GPC5: variants seen among roughly 807,000 people sequenced by gnomAD.
GPC5 encodes the protein glypican 5, also known as glypican-5.
GPC5 carries 47 observed loss-of-function variants against 53.9 expected under a neutral mutation model. The ratio of observed to expected loss-of-function variants is 0.87; its 90% confidence interval spans 0.69 to 1.11. The LOEUF (loss-of-function observed/expected upper bound fraction) is 1.11, where lower values mean the gene tolerates loss of function less well. Among genes scored for constraint, GPC5 ranks in the 50% most tolerant of loss-of-function variants. The probability of loss-of-function intolerance (pLI) is 0.00; values close to 1 mark genes in which losing one functional copy is unlikely to be tolerated. For synonymous variants in GPC5, 286 were observed against 263.3 expected (o/e 1.09, Z -0.84); for missense variants, 748 against 713.1 (o/e 1.05, Z -0.56).
intron 5 of GPC5, among the ~76,000 whole-genome samples, chr13:91,819,362 T>A (rs554425734): frequency 4.5e-4 from 69 of 152,040 alleles, no homozygotes; most frequent in African/African-American, 1.6e-3. Flanking sequence ...GGTTTCACCA[T>A]GTTGACCAGG....
At chr13:92,217,439 C>T (rs1231896662) in intron 7 of GPC5, among the ~76,000 whole-genome samples, 5 of 152,184 alleles carry the variant, frequency 3.3e-5, no homozygotes, top group Non-Finnish European at 7.4e-5. Flanking sequence ...GACAGCTGAT[C>T]ACCCTGGCCT....
chr13:91,481,687 C>G (rs9560814), intron 2 of GPC5, among the ~76,000 whole-genome samples: 47,011 of 152,052 alleles, frequency 0.31, 7,723 homozygotes, highest in East Asian at 0.59. Flanking sequence ...GCTGGGTAAC[C>G]TGGGCTCTAC....
chr13:92,403,198 A>G (rs775957560), intron 7 of GPC5, among the ~76,000 whole-genome samples: 2 of 152,214 alleles, frequency 1.3e-5, no homozygotes, highest in African/African-American at 2.4e-5. Context: ...CCACTGAAAT[A>G]TTAATGGTGG....
At chr13:91,415,303 C>G (rs1387045052) in intron 1 of GPC5, among the ~76,000 whole-genome samples, 1 of 152,138 alleles carries the variant, frequency 6.6e-6, no homozygotes, top group Non-Finnish European at 1.5e-5. Context: ...TAACACAATC[C>G]CCTACATGTG....
intron 6 of GPC5, among the ~76,000 whole-genome samples, chr13:91,911,218 T>G (rs2139002498): frequency 6.6e-6 from 1 of 152,230 alleles, no homozygotes; most frequent in East Asian, 1.9e-4. Flanking sequence ...TTATATTTTC[T>G]CCTAAGTGGC....
chr13:92,372,376 A>G (rs1376575935), intron 7 of GPC5, among the ~76,000 whole-genome samples: 2 of 152,224 alleles, frequency 1.3e-5, no homozygotes, highest in African/African-American at 2.4e-5. Context: ...AAATCGATAG[A>G]TTGTTTCAGG....
At chr13:92,533,080 A>C (rs991537683) in intron 7 of GPC5, among the ~76,000 whole-genome samples, 1 of 152,178 alleles carries the variant, frequency 6.6e-6, no homozygotes, top group Non-Finnish European at 1.5e-5. Flanking sequence ...CAGTTTTAAA[A>C]AGTTGGTTCA....
intron 1 of GPC5, among the ~76,000 whole-genome samples, chr13:91,439,579 A>G (rs1168405022): frequency 6.6e-6 from 1 of 152,176 alleles, no homozygotes; most frequent in Non-Finnish European, 1.5e-5. Context: ...TCTTATTTCC[A>G]AAGCTGAATT....
At chr13:91,538,964 C>G (rs1886724537) in intron 2 of GPC5, among the ~76,000 whole-genome samples, 2 of 152,040 alleles carry the variant, frequency 1.3e-5, no homozygotes, top group African/African-American at 4.8e-5. Flanking sequence ...CCAAGTATCC[C>G]TGAAAGATAT....
At chr13:92,857,341 G>C (rs757311303) in intron 7 of GPC5, among the ~76,000 whole-genome samples, 1 of 151,984 alleles carries the variant, frequency 6.6e-6, no homozygotes, top group African/African-American at 2.4e-5. Context: ...AGACCTAAAT[G>C]TAAGACCTCA....
At position 91,540,777 on chromosome 13, in the gene GPC5, C is replaced by T. The variant is rs1382030535; in HGVS notation, c.325+91855C>T. Among the ~76,000 whole-genome samples, 3 of 151,978 alleles carry T rather than the reference C, an allele frequency of 2.0e-5. No homozygotes were observed. In the East Asian group the frequency reaches 5.8e-4, roughly 29 times the overall value. On this transcript the variant is annotated intron_variant, in intron 2 of 7. Coordinates refer to ENST00000377067, the MANE Select transcript of GPC5 (RefSeq NM_004466.6). The stretch of plus-strand genomic sequence containing the variant: ...GCTGTTCCATTTTTGGAACTAGATT[C>T]CCTGTGATCATGATCCTAAGTACAG...
chr13:91,721,438 T>G (rs2036472073), intron 3 of GPC5, among the ~76,000 whole-genome samples: 1 of 152,212 alleles, frequency 6.6e-6, no homozygotes, highest in Non-Finnish European at 1.5e-5. Context: ...CCCAGCCTCT[T>G]GTCCATTTTC....
intron 7 of GPC5, among the ~76,000 whole-genome samples, chr13:92,684,903 T>C (rs1456813776): frequency 6.6e-6 from 1 of 152,148 alleles, no homozygotes; most frequent in Non-Finnish European, 1.5e-5. Flanking sequence ...CAGCACTCAG[T>C]AGTATTGGTA....
intron 5 of GPC5, among the ~76,000 whole-genome samples, chr13:91,868,943 T>C (rs2039113906): frequency 6.6e-6 from 1 of 152,182 alleles, no homozygotes; most frequent in South Asian, 2.1e-4. Context: ...AGAGGAACAT[T>C]TCACTTTTTG....
intron 6 of GPC5, among the ~76,000 whole-genome samples, chr13:92,140,022 A>G (rs2041818342): frequency 6.6e-6 from 1 of 152,208 alleles, no homozygotes; most frequent in South Asian, 2.1e-4. Context: ...CACGTTCAAG[A>G]AAGTGGATTA....
chr13:92,672,305 G>T (rs1886780273), intron 7 of GPC5, among the ~76,000 whole-genome samples: 1 of 152,158 alleles, frequency 6.6e-6, no homozygotes, highest in Non-Finnish European at 1.5e-5. Flanking sequence ...ATGATAATTA[G>T]AGAAATACAA....
At chr13:92,782,635 T>C (rs1001525708) in intron 7 of GPC5, among the ~76,000 whole-genome samples, 1 of 152,184 alleles carries the variant, frequency 6.6e-6, no homozygotes, top group African/African-American at 2.4e-5. Context: ...TATAAGCTCA[T>C]TATTTTCTTT....
At chr13:91,728,170 A>G (rs2036615108) in intron 3 of GPC5, among the ~76,000 whole-genome samples, 1 of 152,190 alleles carries the variant, frequency 6.6e-6, no homozygotes, top group Non-Finnish European at 1.5e-5. Flanking sequence ...ATTTCATTTT[A>G]AAATAGGACA....
At chr13:92,527,249 G>GAAAGAAAGAGAA (rs1281380893) in intron 7 of GPC5, among the ~76,000 whole-genome samples, 6 of 32,694 alleles carry the variant, frequency 1.8e-4, no homozygotes, top group Admixed American at 1.2e-3. Flanking sequence ...AAGAAAGAAA[G>GAAAGAAAGAGAA]AGAAAGAAAG....
Sources: allele counts gnomAD v4.1 joint callset (sites outside exome capture counted in the v4.1 genomes callset), GRCh38; gene constraint gnomAD v4.1.1; transcripts MANE v1.5; gene names NCBI Gene and HGNC (gene_info 2026-07-23, HGNC 2026-07-21).